ZNF827: variants seen among roughly 807,000 people sequenced by gnomAD.
The protein encoded by ZNF827 is zinc finger protein 827.
A neutral mutation model predicts 102.4 loss-of-function variants in ZNF827; 13 were observed. The observed-to-expected ratio is 0.13, with a 90% CI of 0.08 to 0.20. ZNF827 has a LOEUF of 0.20. Among genes scored for constraint, ZNF827 ranks in the 10% least tolerant of loss-of-function variants. ZNF827 has a pLI of 1.00. For missense variants in ZNF827, 1,103 were observed against 1,344.4 expected (o/e 0.82, Z 2.81); for synonymous variants, 523 against 536.2 (o/e 0.98, Z 0.34).
At chr4:145,901,973 T>C (rs1453220417) in intron 2 of ZNF827, among the ~76,000 whole-genome samples, 193 bp downstream of exon 2, 21 of 152,242 alleles carry the variant, frequency 1.4e-4, no homozygotes, top group Admixed American at 1.4e-3. Flanking sequence ...AGTGAAGCTA[T>C]TTGTGAAGTC....
intron 10 of ZNF827, 23 bp from the exon 11 acceptor site, chr4:145,774,695 AG>A (rs1736781632): frequency 6.2e-7 from 1 of 1,605,026 alleles, no homozygotes; most frequent in Admixed American, 1.7e-5. Flanking sequence ...GTAAAAGAAA[AG>A]AGGGGGAGAG....
rs764257652 is a variant in ZNF827, at chr4:145,779,353, G to A, written c.2521+21C>T. The A allele has an allele frequency of 3.1e-6, 5 of 1,612,700 alleles. No homozygotes were observed. In the African/African-American group the frequency reaches 5.3e-5, roughly 17 times the overall value. On this transcript the variant is annotated intron_variant, in intron 9 of 14. Coordinates refer to ENST00000508784, the MANE Select transcript of ZNF827 (RefSeq NM_001306215.2). ...GGTGATGGAGCATAGAGGGCTGACA[G>A]CCCAGGCCCTACTCACTCACCTGTG...
At chr4:145,821,307 G>T (rs1312563092) in intron 8 of ZNF827, among the ~76,000 whole-genome samples, 2 of 152,146 alleles carry the variant, frequency 1.3e-5, no homozygotes, top group African/African-American at 4.8e-5. Context: ...TGTATAGTAG[G>T]TATATTTATC....
intron 13 of ZNF827, among the ~76,000 whole-genome samples, chr4:145,764,537 A>C (rs1285794318): frequency 6.6e-6 from 1 of 152,178 alleles, no homozygotes; most frequent in Non-Finnish European, 1.5e-5. Context: ...CTGCCTGTTC[A>C]AACTGTCCAA....
intron 8 of ZNF827, among the ~76,000 whole-genome samples, chr4:145,794,420 A>T (rs767348154): frequency 4.6e-5 from 7 of 152,168 alleles, no homozygotes. Flanking sequence ...TTCAAAGCAC[A>T]CATAGCCTGC....
intron 1 of ZNF827, 59 bp downstream of exon 1, chr4:145,938,306 A>G: frequency 6.3e-7 from 1 of 1,599,810 alleles, no homozygotes; most frequent in South Asian, 1.1e-5. Context: ...TGCGGAGGGG[A>G]AAGAGGAGAG....
Position 145,761,345 on chromosome 4 carries a change from C to T in ZNF827, c.*271G>A. The T allele has an allele frequency of 2.3e-6, 3 of 1,289,970 alleles. No individual in the cohort carries two copies. The highest frequency in any genetic ancestry group is 3.0e-6 in the Non-Finnish European group (3 of 988,888). The allele number at this position is 1,289,970 out of a possible 1,614,324, so 79.9% of individuals were successfully genotyped here. On this transcript the variant is annotated 3_prime_UTR_variant, in exon 15 of 15. Transcript: ENST00000508784. The surrounding 1 kb of genome is among the most constrained non-coding windows in gnomAD (Gnocchi z 6.8). ...CGCTTGCAGCTGTAGCTGCACTGGT[C>T]ACAGTGGAAGGGCCGCTCCCCGGTG...
intron 7 of ZNF827, among the ~76,000 whole-genome samples, chr4:145,840,399 A>C (rs1026520523): frequency 1.3e-5 from 2 of 152,218 alleles, no homozygotes; most frequent in Non-Finnish European, 2.9e-5. Context: ...GAGTCTTTTT[A>C]AAATGTACAA....
chr4:145,846,143 A>G (rs189258112), intron 6 of ZNF827, 130 bp from the exon 7 acceptor site: 8 of 846,478 alleles, frequency 9.5e-6, no homozygotes, highest in Non-Finnish European at 1.5e-5. Flanking sequence ...TTTCTTTTTT[A>G]AACATCCAGA....
At chr4:145,890,182 A>G (rs964787908) in intron 3 of ZNF827, among the ~76,000 whole-genome samples, 3 of 152,210 alleles carry the variant, frequency 2.0e-5, no homozygotes, top group Admixed American at 6.5e-5. Flanking sequence ...TGAGGTGGAA[A>G]GCAGGGACAA....
At chr4:145,847,161 T>TAA (rs751658762) in intron 6 of ZNF827, among the ~76,000 whole-genome samples, 2 of 125,406 alleles carry the variant, frequency 1.6e-5, no homozygotes, top group African/African-American at 5.9e-5. Flanking sequence ...CTCAAAAAAA[T>TAA]AAAAAAAAAA....
intron 8 of ZNF827, among the ~76,000 whole-genome samples, chr4:145,785,381 C>T (rs921074590): frequency 6.6e-6 from 1 of 152,148 alleles, no homozygotes; most frequent in African/African-American, 2.4e-5. Context: ...CTTAATTAAA[C>T]CCATTCGGTA....
rs115057944 is a variant in ZNF827, at chr4:145,917,467, T to C, written c.44-14252A>G. Among the ~76,000 whole-genome samples, 1,502 of 152,010 alleles carry C rather than the reference T, an allele frequency of 9.9e-3. 27 individuals carry two copies. Among genetic ancestry groups the C allele is most frequent in the African/African-American group, 0.03 (1,258 of 41,450 alleles). ...GTTTTTGTTAACAAACCCACTCCCATGATAATAATATTAACCCAGCTATGA... is the reference window on the plus strand; with the variant it reads ...GTTTTTGTTAACAAACCCACTCCCACGATAATAATATTAACCCAGCTATGA... On this transcript the variant is annotated intron_variant, in intron 1 of 14. Coordinates refer to ENST00000508784, the MANE Select transcript of ZNF827 (RefSeq NM_001306215.2).
rs1488980689 is a variant in ZNF827 at position 145,763,337 on chromosome 4, T to C, written c.3231-215A>G. Among the ~76,000 whole-genome samples, 1 of 152,210 alleles carries C rather than the reference T, an allele frequency of 6.6e-6. No individual in the cohort carries two copies. Among genetic ancestry groups the C allele is most frequent in the East Asian group, 1.9e-4 (1 of 5,206 alleles). On this transcript the variant is annotated intron_variant, in intron 13 of 14. Transcript: ENST00000508784. The surrounding 1 kb of genome is among the most constrained non-coding windows in gnomAD (Gnocchi z 4.6). Reference sequence around the variant, plus strand: ...GCTCCCGTTATTTTCTTAAAGACACTCTCTCAGGCAAATTAATTCTCTGAT... The same window carrying C: ...GCTCCCGTTATTTTCTTAAAGACACCCTCTCAGGCAAATTAATTCTCTGAT...
At chr4:145,830,469 C>G (rs796115760) in intron 7 of ZNF827, 19 of 152,190 alleles carry the variant, frequency 1.2e-4, no homozygotes, top group African/African-American at 4.6e-4. Context: ...AAAACAAAAA[C>G]ACTTTATTTT....
At chr4:145,872,376 G>A (rs1337520288) in intron 4 of ZNF827, among the ~76,000 whole-genome samples, 1 of 152,160 alleles carries the variant, frequency 6.6e-6, no homozygotes, top group East Asian at 1.9e-4. Context: ...GTCTGCACGA[G>A]GACACAGTGA....
chr4:145,821,569 T>TC (rs1171402996), intron 8 of ZNF827, among the ~76,000 whole-genome samples: 1 of 151,878 alleles, frequency 6.6e-6, no homozygotes, highest in Non-Finnish European at 1.5e-5. Context: ...ACAAAAAAAG[T>TC]CTTTTTTTTT....
At chr4:145,816,041 T>C (rs1742563922) in intron 8 of ZNF827, among the ~76,000 whole-genome samples, 1 of 152,212 alleles carries the variant, frequency 6.6e-6, no homozygotes, top group African/African-American at 2.4e-5. Flanking sequence ...TCAAATGGAA[T>C]TTGGATTTTG....
chr4:145,814,323 C>G (rs532610456), intron 8 of ZNF827, among the ~76,000 whole-genome samples: 30 of 152,290 alleles, frequency 2.0e-4, no homozygotes, highest in Non-Finnish European at 4.3e-4. Flanking sequence ...TTCCTATGTG[C>G]TTTCTCTGGC....
Sources: allele counts gnomAD v4.1 joint callset (sites outside exome capture counted in the v4.1 genomes callset), GRCh38; gene constraint gnomAD v4.1.1; non-coding constraint Gnocchi (gnomAD v3.1); transcripts MANE v1.5; gene names NCBI Gene and HGNC (gene_info 2026-07-23, HGNC 2026-07-21).